Variants in HSD17B14 observed in about 807,000 individuals in gnomAD.
HSD17B14 encodes the protein L-fucose dehydrogenase.
HSD17B14 carries 32 observed loss-of-function variants against 32.2 expected under a neutral mutation model. That is an observed-to-expected ratio of 0.99 (90% CI 0.75 to 1.33). The LOEUF is 1.33. Ranked by LOEUF, HSD17B14 falls within the 40% of genes most tolerant of loss-of-function variation. HSD17B14 has a pLI of 0.00. For missense variants in HSD17B14, 370 were observed against 366.5 expected (o/e 1.01, Z -0.08); for synonymous variants, 140 against 155.4 (o/e 0.90, Z 0.74).
intron 5 of HSD17B14, among the ~76,000 whole-genome samples, chr19:48,825,690 C>CA (rs1488012864): frequency 3.3e-5 from 5 of 152,082 alleles, no homozygotes; most frequent in Non-Finnish European, 7.4e-5. Context: ...GGTGAGAAAA[C>CA]AGAGGAGCAG....
intron 5 of HSD17B14, among the ~76,000 whole-genome samples, chr19:48,821,259 C>T (rs543785238): frequency 2.0e-5 from 3 of 152,094 alleles, no homozygotes; most frequent in South Asian, 2.1e-4. Flanking sequence ...GTGATCCACC[C>T]GCCTTGGCCT....
At chr19:48,836,296 C>T in intron 1 of HSD17B14, 28 bp downstream of exon 1, 5 of 1,609,714 alleles carry the variant, frequency 3.1e-6, no homozygotes, top group Non-Finnish European at 4.2e-6. Context: ...TCACACTCCA[C>T]AGCTCCCAGC....
intron 5 of HSD17B14, among the ~76,000 whole-genome samples, chr19:48,817,002 ATTT>A (rs758061335): frequency 1.4e-4 from 14 of 97,552 alleles, no homozygotes; most frequent in Admixed American, 3.5e-4. Flanking sequence ...CACCAGGATA[ATTT>A]TTTTTTTTTT....
chr19:48,813,349 C>A lies in HSD17B14; in HGVS notation c.640-1G>T. On this transcript the variant is annotated splice_acceptor_variant, in intron 8 of 8. Transcript: ENST00000263278. LOFTEE classifies it high-confidence loss of function. ...CGGGCTGGCCCATGCGGCCCAGTGG[C>A]TGGGGAGAAAAGAGGGGGGAAGGAG... 1 of 1,573,666 alleles carries A rather than the reference C, an allele frequency of 6.4e-7. No individual in the cohort carries two copies. Among genetic ancestry groups the A allele is most frequent in the Non-Finnish European group, 8.6e-7 (1 of 1,159,346 alleles).
At chr19:48,829,798 C>T (rs748790132) in intron 5 of HSD17B14, among the ~76,000 whole-genome samples, 2 of 151,526 alleles carry the variant, frequency 1.3e-5, no homozygotes, top group Non-Finnish European at 2.9e-5. Context: ...CATGTGCCAC[C>T]ACACCCGGCT....
At chr19:48,828,009 C>T (rs576296827) in intron 5 of HSD17B14, among the ~76,000 whole-genome samples, 74 of 152,108 alleles carry the variant, frequency 4.9e-4, no homozygotes, top group Non-Finnish European at 7.4e-4. Context: ...AGCCCGCCAC[C>T]GCGCCCAGCT....
chr19:48,832,720 C>T lies in HSD17B14; in HGVS notation c.223G>A (p.Glu75Lys), dbSNP rs542142249. Residue 75 changes from glutamate to lysine, a missense_variant, in exon 4 of 9, where the codon GAG (glutamate) becomes AAG (lysine). By Grantham distance (56) the Glu-to-Lys change is moderately conservative (BLOSUM62 1). Coordinates refer to ENST00000263278, the MANE Select transcript of HSD17B14 (RefSeq NM_016246.3). ...QEDDVKTLVS[E>K]TIRRFGRLDC... ...AGGCGGCCAAATCGGCGGATGGTCT[C>T]AGAAACCAGGGTCTGAGGAGAAAGG... 106 of 1,612,080 alleles carry T rather than the reference C, an allele frequency of 6.6e-5. 2 individuals are homozygous for T. In the South Asian group the frequency reaches 1.1e-3, roughly 17 times the overall value.
intron 7 of HSD17B14, 21 bp downstream of exon 7, chr19:48,813,642 C>T (rs555639599): frequency 2.4e-5 from 38 of 1,614,004 alleles, no homozygotes; most frequent in African/African-American, 4.0e-5. Context: ...GGAGGCTCTC[C>T]GCCTGCTCAG....
chr19:48,817,516 A>G (rs1036149353), intron 5 of HSD17B14, among the ~76,000 whole-genome samples: 1 of 152,036 alleles, frequency 6.6e-6, no homozygotes, highest in Admixed American at 6.6e-5. Flanking sequence ...TGCAGTTCCC[A>G]CACCCCTGGG....
chr19:48,835,848 G>C lies in HSD17B14; in HGVS notation c.89-5C>G. 1 of 1,613,338 alleles carries C rather than the reference G, an allele frequency of 6.2e-7. No homozygotes were observed. The highest frequency in any genetic ancestry group is 8.5e-7 in the Non-Finnish European group (1 of 1,179,496). ...CCACTCGGGCCCCGCTGTTCACTGA[G>C]AATAGGAAGGGAACAGGTTACTCTC... On this transcript the variant is annotated splice_region_variant and splice_polypyrimidine_tract_variant and intron_variant, in intron 1 of 8. Transcript: ENST00000263278.
At chr19:48,835,669 G>A (rs559168975) in intron 2 of HSD17B14, 136 bp downstream of exon 2, 2 of 805,976 alleles carry the variant, frequency 2.5e-6, no homozygotes, top group South Asian at 3.1e-5. Context: ...AGGGGCTGAG[G>A]TCTGGACTCC....
rs903743116 is a variant in HSD17B14, at chr19:48,832,715, G to A, written c.228C>T (p.Thr76=). 1.9e-6 allele frequency: 3 copies of A among 1,612,962 alleles called. No individual in the cohort carries two copies. The highest frequency in any genetic ancestry group is 2.7e-5 in the African/African-American group (2 of 74,868). ...AATCCAGGCGGCCAAATCGGCGGAT[G>A]GTCTCAGAAACCAGGGTCTGAGGAG... The part of the protein sequence containing the change: ...EDDVKTLVSE[T]IRRFGRLDCV... The change falls in exon 4 of 9, where the codon ACC becomes ACT. Residue 76 remains threonine, a synonymous_variant. Transcript: ENST00000263278.
intron 3 of HSD17B14, 29 bp from the exon 4 acceptor site, chr19:48,832,761 T>A (rs751267728): frequency 6.8e-5 from 109 of 1,591,290 alleles, no homozygotes; most frequent in Non-Finnish European, 8.9e-5. Flanking sequence ...TCCTTTGTTT[T>A]TTTTTTTTGG....
intron 5 of HSD17B14, among the ~76,000 whole-genome samples, chr19:48,822,293 ATGG>A (rs1371885229): frequency 1.4e-4 from 20 of 142,832 alleles, no homozygotes; most frequent in South Asian, 7.0e-4. Context: ...GAGGATGGTG[ATGG>A]TGGTGATGGT....
intron 5 of HSD17B14, among the ~76,000 whole-genome samples, chr19:48,817,216 T>G (rs968040621): frequency 4.0e-5 from 6 of 151,588 alleles, no homozygotes; most frequent in African/African-American, 1.2e-4. Flanking sequence ...CTCACTCTGT[T>G]GCCCAGGCTG....
At chr19:48,828,741 A>G (rs2035290457) in intron 5 of HSD17B14, among the ~76,000 whole-genome samples, 4 of 151,888 alleles carry the variant, frequency 2.6e-5, no homozygotes. Context: ...ACCAGCCTGG[A>G]CAACATAGTG....
intron 5 of HSD17B14, among the ~76,000 whole-genome samples, chr19:48,826,542 T>TATATATATATACACAC: frequency 2.9e-4 from 23 of 80,114 alleles, no homozygotes; most frequent in African/African-American, 1.0e-3. Flanking sequence ...TATATATATA[T>TATATATATATACACAC]ACACACACAC....
intron 3 of HSD17B14, 170 bp from the exon 4 acceptor site, chr19:48,832,902 T>C: frequency 3.2e-6 from 2 of 615,986 alleles, no homozygotes; most frequent in Non-Finnish European, 5.8e-6. Flanking sequence ...TACAGGCGAC[T>C]GCCACCACGC....
intron 5 of HSD17B14, among the ~76,000 whole-genome samples, chr19:48,831,222 T>A (rs11667120): frequency 0.13 from 20,320 of 152,108 alleles, 1,865 homozygotes; most frequent in Non-Finnish European, 0.2. Flanking sequence ...GCTACAAAGG[T>A]AGATTTGCTG....
Sources: gnomAD v4.1 joint callset for allele counts (sites outside exome capture counted in the v4.1 genomes callset) on GRCh38, gnomAD v4.1.1 for gene constraint, MANE v1.5 for transcripts, NCBI Gene and HGNC (gene_info 2026-07-23, HGNC 2026-07-21) for gene names.